Variants in NUDCD1 observed in about 807,000 individuals in gnomAD.
NUDCD1 encodes nudC domain-containing protein 1.
In NUDCD1, 60 loss-of-function variants were observed where a neutral mutation model predicts 67.8. The observed-to-expected ratio is 0.88, with a 90% CI of 0.72 to 1.10. The LOEUF is 1.10. Ranked by LOEUF, NUDCD1 falls within the 50% of genes least tolerant of loss-of-function variation. The probability of loss-of-function intolerance (pLI) is 0.00; values close to 1 mark genes in which losing one functional copy is unlikely to be tolerated. For missense variants in NUDCD1, 643 were observed against 695.0 expected, an observed-to-expected ratio of 0.93 and a Z score of 0.84; for synonymous variants, 244 against 230.8, an observed-to-expected ratio of 1.06 and a Z score of -0.52.
chr8:109,250,992 G>A (rs1209539173), intron 8 of NUDCD1, among the ~76,000 whole-genome samples: 1 of 152,054 alleles, frequency 6.6e-6, no homozygotes, highest in Non-Finnish European at 1.5e-5. Context: ...AAGTAAGTTG[G>A]AAAGTGTTCC....
At chr8:109,305,389 T>G (rs1462640893) in intron 2 of NUDCD1, among the ~76,000 whole-genome samples, 1 of 152,150 alleles carries the variant, frequency 6.6e-6, no homozygotes, top group Non-Finnish European at 1.5e-5. Flanking sequence ...CCAAGCAGTT[T>G]CTCAGTCTCT....
In NUDCD1 at chr8:109,289,777, T is replaced by C. The variant is rs747423718; in HGVS notation, c.797A>G (p.Asp266Gly). 8 of 1,531,098 alleles carry C rather than the reference T, an allele frequency of 5.2e-6. No homozygotes were observed. The African/African-American group carries it at 5.5e-5, about 11-fold the overall frequency. The allele number at this position is 1,531,098 out of a possible 1,614,324, so 94.8% of individuals were successfully genotyped here. The stretch of plus-strand genomic sequence containing the variant: ...TTTGATTTTCTCTGATATGTCTTCA[T>C]CCATATTTTCTTCAAGATCTTGACC... ...QAGQDLEENM[D>G]EDISEKIKEP... Residue 266 changes from aspartate (D) to glycine (G), a missense_variant, in exon 5 of 10, where the codon GAT (aspartate) becomes GGT (glycine). Physicochemically the swap from Asp to Gly is moderately conservative, Grantham distance 94. Coordinates refer to ENST00000239690, the MANE Select transcript of NUDCD1 (RefSeq NM_032869.4).
At chr8:109,323,533 AAATT>A (rs1815590157) in intron 1 of NUDCD1, among the ~76,000 whole-genome samples, 3 of 152,104 alleles carry the variant, frequency 2.0e-5, no homozygotes, top group Admixed American at 1.3e-4. Context: ...TTATATAATT[AAATT>A]GTGATAAAGA....
intron 6 of NUDCD1, among the ~76,000 whole-genome samples, chr8:109,275,998 T>G (rs1210222162): frequency 1.3e-5 from 2 of 152,170 alleles, no homozygotes; most frequent in Admixed American, 6.5e-5. Context: ...GCAGGTTAAA[T>G]CAACGCAAAT....
chr8:109,245,518 A>C, intron 8 of NUDCD1, 37 bp from the exon 9 acceptor site: 2 of 1,517,262 alleles, frequency 1.3e-6, no homozygotes, highest in Non-Finnish European at 1.8e-6. Context: ...ACTCAACAAC[A>C]AATTAATAAT....
chr8:109,330,450 C>T (rs964218935), intron 1 of NUDCD1, among the ~76,000 whole-genome samples: 13 of 152,128 alleles, frequency 8.5e-5, no homozygotes, highest in Admixed American at 3.3e-4. Context: ...TTACCAGAAG[C>T]GCCTCAATTA....
intron 2 of NUDCD1, among the ~76,000 whole-genome samples, chr8:109,306,696 G>A (rs1476607500): frequency 1.4e-5 from 2 of 145,264 alleles, no homozygotes; most frequent in Admixed American, 1.4e-4. Context: ...CCAATTCTTA[G>A]TCCTTTAATA....
chr8:109,304,771 TA>T (rs1390290743), intron 2 of NUDCD1, among the ~76,000 whole-genome samples: 1 of 152,100 alleles, frequency 6.6e-6, no homozygotes, highest in African/African-American at 2.4e-5. Context: ...TCGCTCAGGG[TA>T]ACGCTTATGC....
chr8:109,320,921 A>G (rs777035512), intron 2 of NUDCD1, among the ~76,000 whole-genome samples: 61 of 152,212 alleles, frequency 4.0e-4, no homozygotes, highest in Non-Finnish European at 6.6e-4. Flanking sequence ...ACATCTGGAA[A>G]GACACACAAA....
intron 3 of NUDCD1, 33 bp downstream of exon 3, chr8:109,296,351 T>C (rs769541350): frequency 1.7e-5 from 27 of 1,561,728 alleles, no homozygotes; most frequent in South Asian, 4.5e-5. Context: ...ATATACTTTC[T>C]GGACTTCGCA....
chr8:109,247,255 A>G (rs1813519676), intron 8 of NUDCD1, among the ~76,000 whole-genome samples: 2 of 152,198 alleles, frequency 1.3e-5, no homozygotes, highest in Non-Finnish European at 2.9e-5. Context: ...ACAGAAGAAA[A>G]ATAAACAACA....
intron 2 of NUDCD1, among the ~76,000 whole-genome samples, chr8:109,313,600 A>G (rs936802707): frequency 3.3e-5 from 5 of 152,230 alleles, no homozygotes; most frequent in African/African-American, 1.2e-4. Context: ...TAAAGGTATT[A>G]GTAAGATACA....
chr8:109,273,096 A>G (rs183370291), intron 7 of NUDCD1, among the ~76,000 whole-genome samples: 45 of 152,296 alleles, frequency 3.0e-4, no homozygotes, highest in African/African-American at 1.0e-3. Context: ...CAAACATGCT[A>G]TACTGCTTTC....
At position 109,241,789 on chromosome 8, in the gene NUDCD1, T is replaced by C. The variant is rs1411679232; in HGVS notation, c.*1220A>G. 2.0e-5 allele frequency: 6 copies of C among 293,670 alleles called. No individual in the cohort carries two copies. The East Asian group carries it at 2.8e-4, about 14-fold the overall frequency. 18.2% of individuals were successfully genotyped at this position (293,670 alleles called of 1,614,324 possible). A position where few individuals can be genotyped will look rare whatever the true frequency, so the allele number is the denominator to read the frequency against. ...ATATGTTAGGAACAAAGCTTTTCTA[T>C]CTTATATTTCTTATCTTAATCTTCT... On this transcript the variant is annotated 3_prime_UTR_variant, in exon 10 of 10. Coordinates refer to ENST00000239690, the MANE Select transcript of NUDCD1 (RefSeq NM_032869.4).
chr8:109,310,187 A>C (rs2926258), intron 2 of NUDCD1, among the ~76,000 whole-genome samples: 57,963 of 152,010 alleles, frequency 0.38, 11,562 homozygotes, highest in South Asian at 0.5. Flanking sequence ...AAGAACAAAT[A>C]TGGAGGCATC....
intron 1 of NUDCD1, among the ~76,000 whole-genome samples, chr8:109,330,111 A>T (rs1057205203): frequency 6.6e-6 from 1 of 152,218 alleles, no homozygotes. Flanking sequence ...CTAAATGAAG[A>T]TTCTAGGAAA....
intron 5 of NUDCD1, among the ~76,000 whole-genome samples, chr8:109,282,686 G>GTGGGGGGGGGA (rs1814477380): frequency 7.0e-6 from 1 of 142,192 alleles, no homozygotes; most frequent in Non-Finnish European, 1.5e-5. Flanking sequence ...TTGTCGGGGG[G>GTGGGGGGGGGA]TGGGGGGCTA....
At chr8:109,246,493 T>C (rs1056296290) in intron 8 of NUDCD1, among the ~76,000 whole-genome samples, 4 of 152,238 alleles carry the variant, frequency 2.6e-5, no homozygotes, top group Admixed American at 6.5e-5. Context: ...TTAATTAAAG[T>C]ATCAATGTCA....
intron 5 of NUDCD1, among the ~76,000 whole-genome samples, chr8:109,286,506 AG>A (rs754085300): frequency 2.0e-5 from 3 of 152,142 alleles, no homozygotes; most frequent in Non-Finnish European, 4.4e-5. Context: ...TCTTTGATAA[AG>A]GCAGCAAAAA....
Sources: allele counts gnomAD v4.1 joint callset (sites outside exome capture counted in the v4.1 genomes callset), GRCh38; gene constraint gnomAD v4.1.1; transcripts MANE v1.5; gene names NCBI Gene and HGNC (gene_info 2026-07-23, HGNC 2026-07-21).